Variants in CACNA1E observed in about 807,000 individuals in gnomAD.
CACNA1E encodes the protein voltage-dependent R-type calcium channel subunit alpha-1E.
In CACNA1E, 40 loss-of-function variants were observed where a neutral mutation model predicts 259.2. The ratio of observed to expected loss-of-function variants is 0.15; its 90% CI spans 0.12 to 0.20. The LOEUF is 0.20. Among genes scored for constraint, CACNA1E ranks in the 10% least tolerant of loss-of-function variants. The probability of loss-of-function intolerance (pLI) is 1.00; values close to 1 mark genes in which losing one functional copy is unlikely to be tolerated. For missense variants in CACNA1E, 1,874 were observed against 3,040.1 expected, an observed-to-expected ratio of 0.62 and a Z score of 9.02; for synonymous variants, 1,104 against 1,138.5, an observed-to-expected ratio of 0.97 and a Z score of 0.61.
intron 7 of CACNA1E, among the ~76,000 whole-genome samples, chr1:181,674,223 C>CAAAA (rs58198967): frequency 2.3e-5 from 2 of 88,454 alleles, no homozygotes; most frequent in African/African-American, 3.8e-5. Context: ...ACTAAAAATA[C>CAAAA]AAAAAAAAAA....
chr1:181,664,365 T>A (rs112119694), intron 7 of CACNA1E, among the ~76,000 whole-genome samples: 132 of 152,354 alleles, frequency 8.7e-4, no homozygotes, highest in African/African-American at 3.1e-3. Flanking sequence ...TGCCAAACAC[T>A]GTTCTCTAGA....
rs544049911 is a variant in CACNA1E, at chr1:181,563,616, G to A, written c.513-14150G>A. 2.3e-4 allele frequency among the ~76,000 whole-genome samples: 35 copies of A among 152,282 alleles called. No homozygotes were observed. The South Asian group carries it at 7.3e-3, about 32-fold the overall frequency. On this transcript the variant is annotated intron_variant, in intron 3 of 47. Coordinates refer to ENST00000367573, the MANE Select transcript of CACNA1E (RefSeq NM_001205293.3). ...TGGCTTGCTCAAGGATCATGAGTGAGTAAATTTTTCAGTCTTCCAGAAGGG... is the reference window on the plus strand; with the variant it reads ...TGGCTTGCTCAAGGATCATGAGTGAATAAATTTTTCAGTCTTCCAGAAGGG...
intron 3 of CACNA1E, among the ~76,000 whole-genome samples, chr1:181,515,597 A>G (rs901903173): frequency 6.6e-6 from 1 of 152,236 alleles, no homozygotes; most frequent in Non-Finnish European, 1.5e-5. Context: ...TGCATTGGGA[A>G]CAACTCAGGC....
chr1:181,540,280 G>A (rs916708565), intron 3 of CACNA1E, among the ~76,000 whole-genome samples: 5 of 152,126 alleles, frequency 3.3e-5, no homozygotes, highest in Admixed American at 6.5e-5. Context: ...CCAAACCGTG[G>A]CACAGGGCTG....
intron 2 of CACNA1E, among the ~76,000 whole-genome samples, chr1:181,451,770 G>A (rs554656108): frequency 2.0e-5 from 3 of 152,332 alleles, no homozygotes; most frequent in Admixed American, 2.0e-4. Context: ...GCCTTTGAGT[G>A]CATGAAAGTC....
Position 181,338,084 on chromosome 1 carries a change from T to C in CACNA1E, c.-15+19961T>C, listed in dbSNP as rs530255357. Among the ~76,000 whole-genome samples the C allele has an allele frequency of 4.6e-5, 7 of 152,074 alleles. 1 individual carries two copies. The South Asian group carries it at 1.5e-3, about 32-fold the overall frequency. ...TATAAGGTTATACCCCATTGTGGGC[T>C]TTTTTTTGTTTGTTTTTGTGAGATG... is the stretch of plus-strand genomic sequence containing the variant. On this transcript the variant is annotated intron_variant, in intron 1 of 11. Coordinates refer to the CACNA1E transcript ENST00000524607.
intron 3 of CACNA1E, among the ~76,000 whole-genome samples, chr1:181,574,924 CTGAGG>C (rs1650805626): frequency 6.6e-6 from 1 of 151,914 alleles, no homozygotes; most frequent in Non-Finnish European, 1.5e-5. Flanking sequence ...ACTCGGGAGG[CTGAGG>C]CAAGAGAATC....
chr1:181,475,253 A>T (rs1166975516), intron 2 of CACNA1E, among the ~76,000 whole-genome samples: 4 of 152,212 alleles, frequency 2.6e-5, no homozygotes, highest in Non-Finnish European at 5.9e-5. Flanking sequence ...TATGTCCTCT[A>T]CTCCTGAGAA....
intron 2 of CACNA1E, among the ~76,000 whole-genome samples, chr1:181,430,867 A>G (rs1473472169): frequency 6.6e-6 from 1 of 152,234 alleles, no homozygotes; most frequent in Non-Finnish European, 1.5e-5. Context: ...ATTTGAACCC[A>G]GTAATTCTTA....
At chr1:181,422,107 C>T (rs1242336736) in intron 2 of CACNA1E, among the ~76,000 whole-genome samples, 1 of 152,178 alleles carries the variant, frequency 6.6e-6, no homozygotes, top group Non-Finnish European at 1.5e-5. Context: ...TTCATTCTTG[C>T]CATTTGGACC....
Position 181,757,030 on chromosome 1 carries a change from C to T in CACNA1E, c.4233C>T (p.Pro1411=), listed in dbSNP as rs762675688. Residue 1411 remains proline, a synonymous_variant, in exon 30 of 48, where the codon CCC becomes CCT. Coordinates refer to ENST00000367573, the MANE Select transcript of CACNA1E (RefSeq NM_001205293.3). ...IFYVVYFVVF[P]FFFVNIFVAL... ...ATGTAGTCTACTTTGTGGTCTTCCC[C>T]TTCTTCTTTGTCAATATCTTTGTGG... 2 of 1,613,826 alleles carry T rather than the reference C, an allele frequency of 1.2e-6. No homozygotes were observed. Among genetic ancestry groups the T allele is most frequent in the East Asian group, 2.2e-5 (1 of 44,874 alleles).
intron 18 of CACNA1E, among the ~76,000 whole-genome samples, chr1:181,727,841 C>T (rs1325632501): frequency 1.3e-5 from 2 of 152,104 alleles, no homozygotes; most frequent in African/African-American, 4.8e-5. Context: ...GGGAAGAGCC[C>T]TTGGTTGGCT....
At chr1:181,465,152 T>G (rs919772891) in intron 2 of CACNA1E, among the ~76,000 whole-genome samples, 2 of 152,272 alleles carry the variant, frequency 1.3e-5, no homozygotes, top group East Asian at 1.9e-4. Context: ...ATGATATTAT[T>G]CTATCACTTT....
intron 2 of CACNA1E, among the ~76,000 whole-genome samples, chr1:181,421,569 G>T (rs990816051): frequency 2.0e-5 from 3 of 152,280 alleles, no homozygotes; most frequent in South Asian, 2.1e-4. Context: ...ACATAATGTG[G>T]CTAGAACAAA....
intron 2 of CACNA1E, among the ~76,000 whole-genome samples, chr1:181,464,008 T>C (rs190714415): frequency 6.6e-6 from 1 of 152,302 alleles, no homozygotes; most frequent in Admixed American, 6.5e-5. Context: ...TAATTTTATC[T>C]ATTTTTTCTC....
rs554511792 is a variant in CACNA1E, at chr1:181,468,169, A to G, written c.435-15575A>G. The stretch of plus-strand genomic sequence containing the variant: ...TCTCTAGATACATGGAGGAAATGAA[A>G]TTAGTTGAAAATGTTCCCCAATTTT... On this transcript the variant is annotated intron_variant, in intron 2 of 11. Coordinates refer to the CACNA1E transcript ENST00000524607. 2.2e-4 allele frequency among the ~76,000 whole-genome samples: 34 copies of G among 152,348 alleles called. No homozygotes were observed. The South Asian group carries it at 3.1e-3, about 14-fold the overall frequency.
intron 7 of CACNA1E, 46 bp from the exon 8 acceptor site, chr1:181,710,908 C>A: frequency 2.2e-6 from 3 of 1,333,838 alleles, no homozygotes; most frequent in East Asian, 2.3e-5. Context: ...TTCCCTTAGT[C>A]ATGGCCCTGT....
rs377083761 is a variant in CACNA1E, at chr1:181,736,450, G to A, written c.3422+16G>A. The A allele has an allele frequency of 3.7e-5, 59 of 1,607,128 alleles. No individual in the cohort carries two copies. The African/African-American group carries it at 5.2e-4, about 14-fold the overall frequency. ...CCACCAACCCGTAAGCCACCCTCGC[G>A]TTGCTCCCTCTTTAGTGCTAGGGTA... On this transcript the variant is annotated intron_variant, in intron 22 of 47. Transcript: ENST00000367573.
intron 1 of CACNA1E, among the ~76,000 whole-genome samples, chr1:181,343,803 C>A (rs1172883325): frequency 6.6e-6 from 1 of 152,100 alleles, no homozygotes; most frequent in East Asian, 1.9e-4. Flanking sequence ...CCTGGTGATG[C>A]CCTGTCTCCT....
Sources: gnomAD v4.1 joint callset for allele counts (sites outside exome capture counted in the v4.1 genomes callset) on GRCh38, gnomAD v4.1.1 for gene constraint, MANE v1.5 for transcripts, NCBI Gene and HGNC (gene_info 2026-07-23, HGNC 2026-07-21) for gene names.